The following DPP6 variants were observed in gnomAD, a reference collection of about 807,000 sequenced individuals.
DPP6 encodes the protein A-type potassium channel modulatory protein DPP6.
Under a neutral mutation model 122.6 loss-of-function variants are expected in DPP6, and 69 were observed. That is an observed-to-expected ratio of 0.56 (90% confidence interval 0.46 to 0.69). DPP6 has a LOEUF of 0.69. Among genes scored for constraint, DPP6 ranks in the 30% least tolerant of loss-of-function variants. The pLI is 0.00. For missense variants in DPP6, 928 were observed against 1,116.9 expected, an observed-to-expected ratio of 0.83 and a Z score of 2.41; for synonymous variants, 418 against 433.1, an observed-to-expected ratio of 0.97 and a Z score of 0.43.
intron 3 of DPP6, among the ~76,000 whole-genome samples, chr7:154,480,748 CA>C (rs2151366192): frequency 6.6e-6 from 1 of 152,172 alleles, no homozygotes; most frequent in South Asian, 2.1e-4. Flanking sequence ...AGAGACATTT[CA>C]ATTTTAACCT....
At chr7:154,243,409 CAG>C (rs1325754140) in intron 1 of DPP6, among the ~76,000 whole-genome samples, 4 of 151,932 alleles carry the variant, frequency 2.6e-5, no homozygotes, top group African/African-American at 9.7e-5. Flanking sequence ...AATGAGTAAA[CAG>C]AGGGAAAGTT....
chr7:154,021,908 CA>C, intron 1 of DPP6, among the ~76,000 whole-genome samples: 1 of 152,202 alleles, frequency 6.6e-6, no homozygotes, highest in East Asian at 1.9e-4. Context: ...GAAACACCCT[CA>C]TGGACACAAT....
chr7:153,809,850 GTC>G, the DPP6 span, among the ~76,000 whole-genome samples: 3,315 of 108,212 alleles, frequency 0.031, 75 homozygotes, highest in East Asian at 0.038. Context: ...TGTTACAAGG[GTC>G]ACATGAGTTA....
chr7:154,596,924 A>T (rs1833128109), intron 5 of DPP6, among the ~76,000 whole-genome samples: 1 of 152,202 alleles, frequency 6.6e-6, no homozygotes, highest in Non-Finnish European at 1.5e-5. Context: ...AGAAAAGTAT[A>T]AAGTATTCTC....
chr7:154,249,642 A>G (rs1021558143), intron 1 of DPP6, among the ~76,000 whole-genome samples: 7 of 152,118 alleles, frequency 4.6e-5, no homozygotes, highest in African/African-American at 1.7e-4. Context: ...GTGTGATTCC[A>G]GGTAAAAGTA....
At chr7:154,245,347 A>G (rs1387146652) in intron 1 of DPP6, among the ~76,000 whole-genome samples, 1 of 151,820 alleles carries the variant, frequency 6.6e-6, no homozygotes, top group Non-Finnish European at 1.5e-5. Flanking sequence ...TAAAAAAGCT[A>G]TGGCTGGCCA....
intron 3 of DPP6, among the ~76,000 whole-genome samples, chr7:154,516,729 G>A (rs6464429): frequency 0.41 from 63,051 of 152,060 alleles, 13,335 homozygotes; most frequent in Middle Eastern, 0.47. Flanking sequence ...GTTCAATTAC[G>A]TGGAATAGAA....
chr7:154,738,600 G>A (rs2131402672), intron 8 of DPP6, among the ~76,000 whole-genome samples: 1 of 152,350 alleles, frequency 6.6e-6, no homozygotes, highest in South Asian at 2.1e-4. Context: ...GAGTGAGGCA[G>A]TAGTACACAA....
intron 8 of DPP6, among the ~76,000 whole-genome samples, chr7:154,739,572 C>T (rs1842723475): frequency 1.3e-5 from 2 of 152,144 alleles, no homozygotes; most frequent in Admixed American, 6.5e-5. Flanking sequence ...ACTTGGGAAG[C>T]GTATTCCAGG....
At chr7:154,666,198 T>TAC (rs61051281) in intron 6 of DPP6, among the ~76,000 whole-genome samples, 5,754 of 131,562 alleles carry the variant, frequency 0.044, 191 homozygotes, top group East Asian at 0.17. Flanking sequence ...TATATATATA[T>TAC]ATACACATAT....
chr7:153,984,848 G>A (rs573612808), intron 1 of DPP6, among the ~76,000 whole-genome samples: 8 of 152,292 alleles, frequency 5.3e-5, no homozygotes, highest in South Asian at 2.1e-4. Context: ...GATCTGTGGC[G>A]AGGAAGTTTG....
At chr7:154,574,494 T>G (rs887496119) in intron 5 of DPP6, among the ~76,000 whole-genome samples, 7 of 139,126 alleles carry the variant, frequency 5.0e-5, no homozygotes, top group Non-Finnish European at 1.1e-4. Context: ...TGTATGTGTA[T>G]GTGGTGTGTG....
intron 3 of DPP6, among the ~76,000 whole-genome samples, chr7:154,525,059 G>A (rs1010619294): frequency 2.0e-5 from 3 of 152,168 alleles, no homozygotes; most frequent in African/African-American, 4.8e-5. Context: ...TAGCAAGTGT[G>A]TAGTTTTGAA....
chr7:154,309,331 G>A (rs1362893940), intron 1 of DPP6, among the ~76,000 whole-genome samples: 1 of 151,968 alleles, frequency 6.6e-6, no homozygotes, highest in Non-Finnish European at 1.5e-5. Context: ...CTCCCCATGT[G>A]TCTGTTCTTC....
intron 23 of DPP6, 36 bp downstream of exon 23, chr7:154,887,770 C>G: frequency 5.0e-6 from 8 of 1,611,232 alleles, no homozygotes; most frequent in Non-Finnish European, 6.8e-6. Context: ...GTGATGAGAC[C>G]AGTCAGCCTC....
chr7:154,880,554 C>T lies in DPP6; in HGVS notation c.2079-334C>T, dbSNP rs1436108219. Among the ~76,000 whole-genome samples, 4 of 152,100 alleles carry T rather than the reference C, an allele frequency of 2.6e-5. No individual in the cohort carries two copies. In the East Asian group the frequency reaches 7.7e-4, roughly 29 times the overall value. ...GGAGTCACAGGCTCTGGGTGGGGGCCCAATAGCAGCAGATGGACCCCATGC... is the reference window on the plus strand; with the variant it reads ...GGAGTCACAGGCTCTGGGTGGGGGCTCAATAGCAGCAGATGGACCCCATGC... On this transcript the variant is annotated intron_variant, in intron 20 of 25. Coordinates refer to ENST00000377770, the MANE Select transcript of DPP6 (RefSeq NM_130797.4).
intron 20 of DPP6, among the ~76,000 whole-genome samples, chr7:154,879,917 G>C (rs542086659): frequency 1.3e-5 from 2 of 152,332 alleles, no homozygotes; most frequent in South Asian, 2.1e-4. Flanking sequence ...AGGGCACAGC[G>C]CACGCCAGGA....
chr7:154,189,010 G>A (rs1246069637), intron 1 of DPP6, among the ~76,000 whole-genome samples: 1 of 152,176 alleles, frequency 6.6e-6, no homozygotes, highest in East Asian at 1.9e-4. Context: ...AGAAACAATA[G>A]CCTGGGTGTT....
Position 154,815,670 on chromosome 7 carries a change from C to A in DPP6, c.1666+8558C>A, listed in dbSNP as rs560128683. Reference sequence around the variant, plus strand: ...GTATGTTTAAAAATAGCTAAATAAACTTCCTTCTCCTGAAGCCGAGGATGG... The same window carrying A: ...GTATGTTTAAAAATAGCTAAATAAAATTCCTTCTCCTGAAGCCGAGGATGG... On this transcript the variant is annotated intron_variant, in intron 16 of 25. Coordinates refer to ENST00000377770, the MANE Select transcript of DPP6 (RefSeq NM_130797.4). Among the ~76,000 whole-genome samples, 6 of 152,320 alleles carry A rather than the reference C, an allele frequency of 3.9e-5. No individual in the cohort carries two copies. In the South Asian group the frequency reaches 6.2e-4, roughly 16 times the overall value.
Sources: allele counts gnomAD v4.1 joint callset (sites outside exome capture counted in the v4.1 genomes callset), GRCh38; gene constraint gnomAD v4.1.1; transcripts MANE v1.5; gene names NCBI Gene and HGNC (gene_info 2026-07-23, HGNC 2026-07-21).